Variants in LPCAT1 observed in about 807,000 individuals in gnomAD.
LPCAT1 encodes the protein lysophosphatidylcholine acyltransferase 1, also known as 1-acylglycerol-3-phosphate O-acyltransferase.
LPCAT1 carries 23 observed loss-of-function variants against 60.9 expected under a neutral mutation model. The ratio of observed to expected loss-of-function variants is 0.38; its 90% CI spans 0.27 to 0.53. The LOEUF (loss-of-function observed/expected upper bound fraction) is 0.53. LPCAT1 is among the 20% of genes least tolerant of loss of function. The pLI is 0.82. For synonymous variants in LPCAT1, 340 were observed against 301.1 expected (o/e 1.13, Z -1.34); for missense variants, 622 against 723.6 (o/e 0.86, Z 1.61).
intron 3 of LPCAT1, among the ~76,000 whole-genome samples, chr5:1,493,069 C>A (rs1735651366): frequency 6.6e-6 from 1 of 152,236 alleles, no homozygotes; most frequent in African/African-American, 2.4e-5. Context: ...AGCGGGGAAA[C>A]CTGCGTGTGA....
chr5:1,523,090 C>T lies in LPCAT1; in HGVS notation c.135+620G>A, dbSNP rs1283208348. The stretch of plus-strand genomic sequence containing the variant: ...GCGAAGCATGCACCCCAGAAGGCAA[C>T]GTGCGGCCGCAGAGCAGGGAGACCC... On this transcript the variant is annotated intron_variant, in intron 1 of 13. Coordinates refer to ENST00000283415, the MANE Select transcript of LPCAT1 (RefSeq NM_024830.5). The surrounding 1 kb of genome is among the most constrained non-coding windows in gnomAD (Gnocchi z 7.1). 6.6e-6 allele frequency among the ~76,000 whole-genome samples: 1 copy of T among 152,246 alleles called. No individual in the cohort carries two copies. Among genetic ancestry groups the T allele is most frequent in the South Asian group, 2.1e-4 (1 of 4,832 alleles).
intron 13 of LPCAT1, among the ~76,000 whole-genome samples, chr5:1,464,489 C>G (rs1579745009): frequency 7.4e-6 from 1 of 135,164 alleles, no homozygotes; most frequent in Admixed American, 7.2e-5. Context: ...CCACTACAAA[C>G]ATCAAAGAGC....
chr5:1,466,949 G>A (rs1012632730), intron 12 of LPCAT1, 59 bp from the exon 13 acceptor site: 21 of 1,430,684 alleles, frequency 1.5e-5, no homozygotes, highest in Middle Eastern at 2.1e-4. Flanking sequence ...AGGCCCCGCT[G>A]TCCAGGGACA....
intron 3 of LPCAT1, among the ~76,000 whole-genome samples, chr5:1,490,230 C>T (rs1013294337): frequency 1.3e-5 from 2 of 152,160 alleles, no homozygotes; most frequent in Admixed American, 6.5e-5. Context: ...TAGATTGGAC[C>T]CCGCCTTCCC....
chr5:1,467,378 A>G (rs1734461699), intron 12 of LPCAT1: 1 of 153,634 alleles, frequency 6.5e-6, no homozygotes, highest in African/African-American at 2.4e-5. Context: ...AGGAGCAGAA[A>G]TGAGAAGGAC....
chr5:1,501,578 A>T lies in LPCAT1; in HGVS notation c.161T>A (p.Phe54Tyr). Residue 54 changes from phenylalanine to tyrosine, a missense_variant, in exon 2 of 14, where the codon TTC becomes TAC. Phe to Tyr is a conservative substitution (Grantham distance 22). Around this residue, in one of 3 missense-constraint regions of LPCAT1, gnomAD observed 125 missense variants for 114.5 expected, o/e 1.09. Coordinates refer to ENST00000283415, the MANE Select transcript of LPCAT1 (RefSeq NM_024830.5). ...AGCGGCAACCAGGAGCCGGACCGGG[A>T]AGAGCGTCAGTGTCATGAGGGCCAC... The part of the protein sequence containing the change: ...AQVALMTLTL[F>Y]PVRLLVAAAM... 1.2e-6 allele frequency: 2 copies of T among 1,613,908 alleles called. No individual in the cohort carries two copies. Among genetic ancestry groups the T allele is most frequent in the Non-Finnish European group, 1.7e-6 (2 of 1,179,886 alleles).
chr5:1,514,941 A>G (rs985947218), intron 1 of LPCAT1, among the ~76,000 whole-genome samples: 1 of 152,204 alleles, frequency 6.6e-6, no homozygotes, highest in African/African-American at 2.4e-5. Context: ...GTCTGAGTAA[A>G]AAGAATCCTG....
rs116021341 is a variant in LPCAT1, at chr5:1,512,721, C to G, written c.135+10989G>C. ...TCTGGACTAAGCGTTCCCTGACACC[C>G]TGGCTCACACCCGTGATGCCAGCAC... On this transcript the variant is annotated intron_variant, in intron 1 of 13. Coordinates refer to ENST00000283415, the MANE Select transcript of LPCAT1 (RefSeq NM_024830.5). Among the ~76,000 whole-genome samples the G allele has an allele frequency of 8.7e-3, 1,330 of 152,372 alleles. 17 individuals are homozygous for G. Among genetic ancestry groups the G allele is most frequent in the African/African-American group, 0.031 (1,283 of 41,594 alleles).
chr5:1,466,970 C>A, intron 12 of LPCAT1, 80 bp from the exon 13 acceptor site: 1 of 1,343,214 alleles, frequency 7.4e-7, no homozygotes, highest in East Asian at 2.7e-5. Flanking sequence ...CCCCAGCGGC[C>A]CTGCCCCGCT....
Position 1,523,621 on chromosome 5 carries a change from TC to T in LPCAT1, c.135+88del. 1.1e-6 allele frequency: 1 copy of T among 929,498 alleles called. No homozygotes were observed. The highest frequency in any genetic ancestry group is 1.3e-6 in the Non-Finnish European group (1 of 771,348). The allele number at this position is 929,498 out of a possible 1,614,324, so 57.6% of individuals were successfully genotyped here. ...GGGCCGCGCCGCGCCCCAGGCCCCC[TC>T]CCCGGCCCCTCCTCGGCCGCGCCTC... On this transcript the variant is annotated intron_variant, in intron 1 of 13. Transcript: ENST00000283415. This position sits in a 1 kb window ranked among gnomAD's most constrained non-coding sequence, Gnocchi z 7.1.
intron 8 of LPCAT1, among the ~76,000 whole-genome samples, chr5:1,478,587 G>A (rs1432916833): frequency 6.6e-6 from 1 of 152,276 alleles, no homozygotes; most frequent in Non-Finnish European, 1.5e-5. Flanking sequence ...TAATCCTGCT[G>A]GGTGGGGGAA....
intron 8 of LPCAT1, 112 bp downstream of exon 8, chr5:1,479,509 C>T: frequency 7.5e-6 from 6 of 802,914 alleles, no homozygotes; most frequent in Non-Finnish European, 1.3e-5. Flanking sequence ...GATGGGAAAG[C>T]AAGACAGGTG....
At chr5:1,466,685 G>C in intron 13 of LPCAT1, 64 bp downstream of exon 13, 1 of 1,517,824 alleles carries the variant, frequency 6.6e-7, no homozygotes, top group Non-Finnish European at 8.9e-7. Context: ...ACGGAGACTC[G>C]CCCCACACTC....
chr5:1,498,996 T>C (rs1325027058), intron 2 of LPCAT1, among the ~76,000 whole-genome samples: 1 of 152,246 alleles, frequency 6.6e-6, no homozygotes, highest in African/African-American at 2.4e-5. Flanking sequence ...CAGACCCAGA[T>C]GCCCAAAGAT....
intron 3 of LPCAT1, among the ~76,000 whole-genome samples, chr5:1,492,891 G>A (rs1036550048): frequency 6.6e-6 from 1 of 152,260 alleles, no homozygotes; most frequent in Non-Finnish European, 1.5e-5. Context: ...CTGCGAGGGT[G>A]CCTGGGCACA....
rs925394516 is a variant in LPCAT1, at chr5:1,502,854, A to C, written c.136-1251T>G. 6.6e-6 allele frequency among the ~76,000 whole-genome samples: 1 copy of C among 152,200 alleles called. No homozygotes were observed. Among genetic ancestry groups the C allele is most frequent in the African/African-American group, 2.4e-5 (1 of 41,438 alleles). On this transcript the variant is annotated intron_variant, in intron 1 of 13. Transcript: ENST00000283415. This position sits in a 1 kb window ranked among gnomAD's most constrained non-coding sequence, Gnocchi z 5.5. ...TTCTCAACGGAGACCAGCATAGCCC[A>C]AGAGAAACATGCCTGCCACATGTGT...
rs867677470 is a variant in LPCAT1, at chr5:1,506,418, C to G, written c.136-4815G>C. 5.5e-4 allele frequency among the ~76,000 whole-genome samples: 84 copies of G among 152,340 alleles called. 2 individuals carry two copies. The highest frequency in any genetic ancestry group is 1.9e-3 in the African/African-American group (80 of 41,578). On this transcript the variant is annotated intron_variant, in intron 1 of 13. Coordinates refer to ENST00000283415, the MANE Select transcript of LPCAT1 (RefSeq NM_024830.5). The stretch of plus-strand genomic sequence containing the variant: ...TCCAGAAGCTTCTATGACCCCGCAC[C>G]TTCTGCCCACCTGTCTCCACAGGCC...
At chr5:1,491,391 G>C (rs544139001) in intron 3 of LPCAT1, among the ~76,000 whole-genome samples, 1 of 151,796 alleles carries the variant, frequency 6.6e-6, no homozygotes, top group East Asian at 1.9e-4. Flanking sequence ...CTGTCAGCTG[G>C]TTTGTTTTGT....
At chr5:1,511,707 G>A (rs1298903224) in intron 1 of LPCAT1, among the ~76,000 whole-genome samples, 1 of 152,200 alleles carries the variant, frequency 6.6e-6, no homozygotes, top group Non-Finnish European at 1.5e-5. Flanking sequence ...CTGCAGACAG[G>A]GTCAGAGAAC....
Sources: allele counts gnomAD v4.1 joint callset (sites outside exome capture counted in the v4.1 genomes callset), GRCh38; gene constraint gnomAD v4.1.1; regional missense constraint gnomAD v4.1.1; non-coding constraint Gnocchi (gnomAD v3.1); transcripts MANE v1.5; gene names NCBI Gene and HGNC (gene_info 2026-07-23, HGNC 2026-07-21).